Variants in PLA2G5 observed in about 807,000 individuals in gnomAD.
The protein encoded by PLA2G5 is phospholipase A2 group V.
A neutral mutation model predicts 15.9 loss-of-function variants in PLA2G5; 12 were observed. That is an observed-to-expected ratio of 0.76 (90% CI 0.48 to 1.23). PLA2G5 has a LOEUF of 1.23. PLA2G5 is among the 50% of genes most tolerant of loss of function. The pLI is 0.00. For missense variants in PLA2G5, 169 were observed against 177.1 expected, an observed-to-expected ratio of 0.95 and a Z score of 0.26; for synonymous variants, 71 against 71.4, an observed-to-expected ratio of 0.99 and a Z score of 0.03.
At chr1:20,054,025 A>G in intron 1 of PLA2G5, among the ~76,000 whole-genome samples, 1 of 152,222 alleles carries the variant, frequency 6.6e-6, no homozygotes, top group Non-Finnish European at 1.5e-5. Flanking sequence ...AAGACTGCAA[A>G]CAAGATGCTG....
At chr1:20,049,093 G>C (rs2014055084) in intron 1 of PLA2G5, among the ~76,000 whole-genome samples, 1 of 152,058 alleles carries the variant, frequency 6.6e-6, no homozygotes, top group Non-Finnish European at 1.5e-5. Flanking sequence ...AAAATAAAGA[G>C]GGTTTTTTCT....
intron 2 of PLA2G5, among the ~76,000 whole-genome samples, chr1:20,063,783 A>G (rs531825565): frequency 6.6e-6 from 1 of 152,360 alleles, no homozygotes; most frequent in South Asian, 2.1e-4. Context: ...CAGCAAGTTC[A>G]TGGCAGAAAT....
At chr1:20,038,864 G>T (rs537651282) in intron 1 of PLA2G5, among the ~76,000 whole-genome samples, 16 of 152,356 alleles carry the variant, frequency 1.1e-4, no homozygotes, top group Middle Eastern at 3.4e-3. Flanking sequence ...CAGTCCTGTG[G>T]TTGTTGATGT....
chr1:20,054,848 A>G (rs1244552675), intron 1 of PLA2G5: 2 of 152,222 alleles, frequency 1.3e-5, no homozygotes, highest in Non-Finnish European at 2.9e-5. Context: ...AGGTAAGTGC[A>G]TACGTAGTTT....
intron 1 of PLA2G5, among the ~76,000 whole-genome samples, chr1:20,046,586 C>G (rs1032369095): frequency 1.4e-4 from 21 of 152,280 alleles, no homozygotes; most frequent in African/African-American, 5.1e-4. Context: ...ACCAATCACC[C>G]CTTTTGGGAT....
At chr1:20,059,746 T>C (rs964653001) in intron 2 of PLA2G5, 2 of 152,140 alleles carry the variant, frequency 1.3e-5, no homozygotes, top group East Asian at 1.9e-4. Flanking sequence ...TGCTTGGGAA[T>C]TGAAATCAGA....
At chr1:20,029,239 G>T (rs951058001) in intron 1 of PLA2G5, among the ~76,000 whole-genome samples, 1 of 152,108 alleles carries the variant, frequency 6.6e-6, no homozygotes, top group Non-Finnish European at 1.5e-5. Context: ...TCCTCTGACT[G>T]CCCCCACCAA....
intron 1 of PLA2G5, among the ~76,000 whole-genome samples, chr1:20,032,132 G>T (rs1242023216): frequency 6.6e-6 from 1 of 152,136 alleles, no homozygotes; most frequent in East Asian, 1.9e-4. Flanking sequence ...GGACTGTTTG[G>T]TTACTTGTTG....
intron 1 of PLA2G5, among the ~76,000 whole-genome samples, chr1:20,073,331 T>C (rs1016203076): frequency 1.3e-5 from 2 of 152,222 alleles, no homozygotes; most frequent in Non-Finnish European, 2.9e-5. Flanking sequence ...ATGAAGTTGG[T>C]GTGTGGATTG....
At chr1:20,028,929 G>A (rs552522217) in intron 1 of PLA2G5, among the ~76,000 whole-genome samples, 6 of 152,330 alleles carry the variant, frequency 3.9e-5, no homozygotes, top group African/African-American at 1.2e-4. Context: ...GGCAGGCTGT[G>A]GGGCTCTGAC....
At chr1:20,049,471 T>C (rs1165011654) in intron 1 of PLA2G5, among the ~76,000 whole-genome samples, 1 of 152,160 alleles carries the variant, frequency 6.6e-6, no homozygotes, top group Non-Finnish European at 1.5e-5. Context: ...TGGCTCTGTG[T>C]CCCCACCCAA....
intron 1 of PLA2G5, among the ~76,000 whole-genome samples, chr1:20,051,557 A>G (rs10916701): frequency 0.29 from 44,172 of 152,126 alleles, 6,561 homozygotes; most frequent in Admixed American, 0.35. Context: ...GTTTATCTCC[A>G]CCTGATTTCT....
chr1:20,073,344 T>G (rs2100548209), intron 1 of PLA2G5, among the ~76,000 whole-genome samples: 1 of 152,326 alleles, frequency 6.6e-6, no homozygotes, highest in African/African-American at 2.4e-5. Flanking sequence ...GTGGATTGCC[T>G]TCTTAGCCAA....
At chr1:20,078,541 G>A (rs1203470255) in intron 1 of PLA2G5, among the ~76,000 whole-genome samples, 1 of 152,036 alleles carries the variant, frequency 6.6e-6, no homozygotes. Context: ...CTGTCTTCAC[G>A]ATCTGTTTCC....
At chr1:20,084,575 T>A (rs2016191163) in intron 1 of PLA2G5, among the ~76,000 whole-genome samples, 1 of 152,196 alleles carries the variant, frequency 6.6e-6, no homozygotes, top group South Asian at 2.1e-4. Flanking sequence ...TGTTTGTGGC[T>A]AAAAGTGCAC....
intron 1 of PLA2G5, chr1:20,076,656 A>G (rs1408047282): frequency 2.0e-5 from 3 of 152,206 alleles, no homozygotes; most frequent in Non-Finnish European, 2.9e-5. Flanking sequence ...GAATACCATG[A>G]ATGCTGAACT....
At position 20,089,600 on chromosome 1, in the gene PLA2G5, G is replaced by A. The variant is rs2016462835; in HGVS notation, c.186-189G>A. ...GTCGTGAGACCAGGAGGAAAAAGAG[G>A]GTCCATGACCTGCTGGCTAGAAATG... On this transcript the variant is annotated intron_variant, in intron 3 of 4. Coordinates refer to ENST00000375108, the MANE Select transcript of PLA2G5 (RefSeq NM_000929.3). 2.0e-5 allele frequency among the ~76,000 whole-genome samples: 3 copies of A among 152,164 alleles called. No homozygotes were observed. In the South Asian group the frequency reaches 6.2e-4, roughly 32 times the overall value.
At chr1:20,047,384 G>A (rs2013962579) in intron 1 of PLA2G5, among the ~76,000 whole-genome samples, 1 of 151,968 alleles carries the variant, frequency 6.6e-6, no homozygotes. Flanking sequence ...AACAAATGAT[G>A]TAAGAATGAG....
chr1:20,064,595 A>T (rs1314364227), intron 2 of PLA2G5, among the ~76,000 whole-genome samples: 1 of 151,736 alleles, frequency 6.6e-6, no homozygotes, highest in Admixed American at 6.6e-5. Flanking sequence ...AAAAAAAAAA[A>T]AGGAAACAGA....
Sources: gnomAD v4.1 joint callset for allele counts (sites outside exome capture counted in the v4.1 genomes callset) on GRCh38, gnomAD v4.1.1 for gene constraint, MANE v1.5 for transcripts, NCBI Gene and HGNC (gene_info 2026-07-23, HGNC 2026-07-21) for gene names.